Variants in NACC2 observed in about 807,000 individuals in gnomAD.
NACC2 encodes nucleus accumbens-associated protein 2.
In NACC2, 8 loss-of-function variants were observed where a neutral mutation model predicts 25.1. The observed-to-expected ratio is 0.32, with a 90% CI of 0.19 to 0.57. The LOEUF (loss-of-function observed/expected upper bound fraction) is 0.57, where lower values mean the gene tolerates loss of function less well. Among genes scored for constraint, NACC2 ranks in the 20% least tolerant of loss-of-function variants. The probability of loss-of-function intolerance (pLI) is 0.89; values close to 1 mark genes in which losing one functional copy is unlikely to be tolerated. For synonymous variants in NACC2, 435 were observed against 294.7 expected (o/e 1.48, Z -4.88); for missense variants, 644 against 650.2 (o/e 0.99, Z 0.10).
intron 1 of NACC2, among the ~76,000 whole-genome samples, chr9:136,061,372 G>A (rs563216187): frequency 4.6e-5 from 7 of 152,204 alleles, no homozygotes; most frequent in Non-Finnish European, 1.0e-4. Context: ...ACAGCCCTCA[G>A]ATAGAGGGGT....
chr9:136,038,430 C>A (rs1284940043), intron 2 of NACC2, among the ~76,000 whole-genome samples: 1 of 152,112 alleles, frequency 6.6e-6, no homozygotes, highest in Non-Finnish European at 1.5e-5. Flanking sequence ...GTCTCAGCTA[C>A]TCAAGAGGCT....
chr9:136,059,730 G>C (rs1214345828), intron 1 of NACC2, among the ~76,000 whole-genome samples: 1 of 152,228 alleles, frequency 6.6e-6, no homozygotes, highest in African/African-American at 2.4e-5. Flanking sequence ...AGCCTGCCTT[G>C]GGCAGGGCTG....
intron 2 of NACC2, among the ~76,000 whole-genome samples, 153 bp from the exon 3 acceptor site, chr9:136,016,582 T>TGGC (rs1332975501): frequency 1.3e-5 from 2 of 152,186 alleles, no homozygotes; most frequent in African/African-American, 4.8e-5. Flanking sequence ...GCTCTCCTGC[T>TGGC]GGCCTGGGTC....
intron 2 of NACC2, among the ~76,000 whole-genome samples, chr9:136,045,740 T>C (rs1005804458): frequency 7.9e-5 from 12 of 152,046 alleles, no homozygotes; most frequent in Non-Finnish European, 1.2e-4. Context: ...CCACCCCCAC[T>C]CAATGAAATA....
At position 136,070,137 on chromosome 9, in the gene NACC2, C is replaced by CA. The variant is rs531795174; in HGVS notation, c.-59-19558dup. On this transcript the variant is annotated intron_variant, in intron 1 of 5. Coordinates refer to ENST00000277554, the MANE Select transcript of NACC2 (RefSeq NM_144653.5). ...AGTGGAATCAAACTAGAAATCGTAA[C>CA]AAAGGTAACAGGGAAATCTAGAAAT... Among the ~76,000 whole-genome samples, 11 of 151,952 alleles carry CA rather than the reference C, an allele frequency of 7.2e-5. No homozygotes were observed. In the South Asian group the frequency reaches 2.1e-3, roughly 29 times the overall value.
At chr9:136,090,452 G>A (rs952944715) in intron 1 of NACC2, among the ~76,000 whole-genome samples, 5 of 152,240 alleles carry the variant, frequency 3.3e-5, no homozygotes, top group Admixed American at 2.0e-4. Context: ...GAAGCCCCAG[G>A]ACAGTAGGGG....
intron 2 of NACC2, among the ~76,000 whole-genome samples, chr9:136,039,127 A>G (rs1337092438): frequency 1.3e-5 from 2 of 152,334 alleles, no homozygotes; most frequent in Non-Finnish European, 2.9e-5. Flanking sequence ...ATAGGACAAA[A>G]AGAGCCAAAA....
rs1339158067 is a variant in NACC2 at position 136,010,950 on chromosome 9, A to G, written c.*566T>C. On this transcript the variant is annotated 3_prime_UTR_variant, in exon 6 of 6. Transcript: ENST00000277554. This position sits in a 1 kb window ranked among gnomAD's most constrained non-coding sequence, Gnocchi z 4.9. ...CCCCTGCACACACACGCACACACAC[A>G]CACTCGTGCACACACCCCACACAGG... 12 of 152,394 alleles carry G rather than the reference A, an allele frequency of 7.9e-5. No individual in the cohort carries two copies. In the East Asian group the frequency reaches 2.3e-3, roughly 30 times the overall value. The allele number at this position is 152,394 out of a possible 1,614,324, so 9.4% of individuals were successfully genotyped here. A position where few individuals can be genotyped will look rare whatever the true frequency, so the allele number is the denominator to read the frequency against.
chr9:136,072,850 CAAATAAAT>C (rs61208098), intron 1 of NACC2, among the ~76,000 whole-genome samples: 12 of 150,258 alleles, frequency 8.0e-5, no homozygotes, highest in African/African-American at 2.9e-4. Flanking sequence ...AACTCCGTCT[CAAATAAAT>C]AAATAAATAA....
intron 2 of NACC2, among the ~76,000 whole-genome samples, chr9:136,031,324 CTCATTCAT>C (rs140651085): frequency 0.018 from 2,692 of 150,698 alleles, 75 homozygotes; most frequent in African/African-American, 0.06. Flanking sequence ...ACTCCACAGC[CTCATTCAT>C]TCATTCATTC....
intron 1 of NACC2, among the ~76,000 whole-genome samples, chr9:136,059,962 A>G (rs1028485216): frequency 6.6e-6 from 1 of 152,212 alleles, no homozygotes; most frequent in Non-Finnish European, 1.5e-5. Flanking sequence ...CTCAGGGCGC[A>G]CGGGGAGCCG....
chr9:136,041,578 T>C (rs2131154927), intron 2 of NACC2, among the ~76,000 whole-genome samples: 1 of 152,216 alleles, frequency 6.6e-6, no homozygotes, highest in Admixed American at 6.5e-5. Context: ...AGTAGACTAG[T>C]GCTTGTCTAG....
At chr9:136,048,101 G>T (rs1393801851) in intron 2 of NACC2, among the ~76,000 whole-genome samples, 1 of 152,220 alleles carries the variant, frequency 6.6e-6, no homozygotes, top group Non-Finnish European at 1.5e-5. Flanking sequence ...GCAGGGCACT[G>T]TCTGGCTGCC....
intron 2 of NACC2, among the ~76,000 whole-genome samples, chr9:136,041,986 A>C (rs1840640436): frequency 6.6e-6 from 1 of 151,742 alleles, no homozygotes; most frequent in South Asian, 2.1e-4. Context: ...GACTACGATA[A>C]TCCTTCAAAA....
Position 136,022,599 on chromosome 9 carries a change from C to A in NACC2, c.887-6170G>T, listed in dbSNP as rs1162041939. Among the ~76,000 whole-genome samples the A allele has an allele frequency of 6.6e-6, 1 of 152,166 alleles. No individual in the cohort carries two copies. Among genetic ancestry groups the A allele is most frequent in the Non-Finnish European group, 1.5e-5 (1 of 68,032 alleles). On this transcript the variant is annotated intron_variant, in intron 2 of 5. Coordinates refer to ENST00000277554, the MANE Select transcript of NACC2 (RefSeq NM_144653.5). This position sits in a 1 kb window ranked among gnomAD's most constrained non-coding sequence, Gnocchi z 4.4. ...AGCTCGCTGCCTCCTGGCCAGTGAG[C>A]CTGTTCTGGGTCCAGTGCTTCTGGC... is the stretch of plus-strand genomic sequence containing the variant.
chr9:136,040,673 A>G (rs1294955377), intron 2 of NACC2, among the ~76,000 whole-genome samples: 5 of 152,218 alleles, frequency 3.3e-5, no homozygotes, highest in African/African-American at 9.6e-5. Flanking sequence ...CTTCACAAGA[A>G]AAATGGCCAG....
chr9:136,022,565 C>T lies in NACC2; in HGVS notation c.887-6136G>A, dbSNP rs1378097134. Among the ~76,000 whole-genome samples, 1 of 152,196 alleles carries T rather than the reference C, an allele frequency of 6.6e-6. No individual in the cohort carries two copies. ...TTCCACCCAGCTTTGGGGGTGGGTC[C>T]ATGGTCCCAGCTCGCTGCCTCCTGG... On this transcript the variant is annotated intron_variant, in intron 2 of 5. Transcript: ENST00000277554. The surrounding 1 kb of genome is among the most constrained non-coding windows in gnomAD (Gnocchi z 4.4).
intron 1 of NACC2, among the ~76,000 whole-genome samples, chr9:136,059,955 AGGGCGCACGGGGAGCCGCCTCG>A (rs1840985226): frequency 6.6e-6 from 1 of 152,170 alleles, no homozygotes; most frequent in African/African-American, 2.4e-5. Flanking sequence ...TCCCCTCCTC[AGGGCGCACGGGGAGCCGCCTCG>A]GGGGACCTGC....
chr9:136,092,374 C>G (rs1330107966), intron 1 of NACC2, among the ~76,000 whole-genome samples: 1 of 152,230 alleles, frequency 6.6e-6, no homozygotes, highest in African/African-American at 2.4e-5. Context: ...CCAGTGAGAC[C>G]AGACCCAGTC....
Sources: gnomAD v4.1 joint callset for allele counts (sites outside exome capture counted in the v4.1 genomes callset) on GRCh38, gnomAD v4.1.1 for gene constraint, Gnocchi (gnomAD v3.1) non-coding constraint, MANE v1.5 for transcripts, NCBI Gene and HGNC (gene_info 2026-07-23, HGNC 2026-07-21) for gene names.